HIVEP2: variants seen among roughly 807,000 people sequenced by gnomAD.
The protein encoded by HIVEP2 is transcription factor HIVEP2.
A neutral mutation model predicts 180.7 loss-of-function variants in HIVEP2; 14 were observed. The observed-to-expected ratio is 0.08, with a 90% confidence interval of 0.05 to 0.12. The LOEUF is 0.12. HIVEP2 is among the 10% of genes least tolerant of loss of function. The pLI is 1.00. For missense variants in HIVEP2, 2,579 were observed against 3,008.5 expected, an observed-to-expected ratio of 0.86 and a Z score of 3.34; for synonymous variants, 1,184 against 1,136.4, an observed-to-expected ratio of 1.04 and a Z score of -0.84.
At chr6:142,813,960 T>A (rs1407814627) in intron 2 of HIVEP2, among the ~76,000 whole-genome samples, 3 of 151,934 alleles carry the variant, frequency 2.0e-5, no homozygotes, top group Non-Finnish European at 4.4e-5. Flanking sequence ...ACTGCAAATA[T>A]AATGATGAAT....
chr6:142,863,775 G>A (rs899445274), intron 1 of HIVEP2, among the ~76,000 whole-genome samples: 2 of 151,976 alleles, frequency 1.3e-5, no homozygotes, highest in South Asian at 2.1e-4. Flanking sequence ...TGAATCTCTC[G>A]GACAGAGATT....
intron 1 of HIVEP2, among the ~76,000 whole-genome samples, chr6:142,859,521 T>C (rs1367426091): frequency 2.0e-5 from 3 of 147,752 alleles, no homozygotes; most frequent in African/African-American, 7.4e-5. Context: ...AAACAAAGAC[T>C]AGAGAAATAA....
intron 3 of HIVEP2, among the ~76,000 whole-genome samples, chr6:142,779,972 G>A (rs888465419): frequency 3.9e-5 from 6 of 152,192 alleles, no homozygotes; most frequent in African/African-American, 1.4e-4. Context: ...AGACCATTAA[G>A]TTAATTGTTT....
intron 2 of HIVEP2, among the ~76,000 whole-genome samples, chr6:142,834,900 G>T (rs1484267461): frequency 6.6e-6 from 1 of 152,022 alleles, no homozygotes; most frequent in East Asian, 1.9e-4. Context: ...TCACTAAGAG[G>T]TTGCTGATTA....
At position 142,794,537 on chromosome 6, in the gene HIVEP2, TAGG is replaced by T. The variant is rs373979858; in HGVS notation, c.-527-10925_-527-10923del. Among the ~76,000 whole-genome samples the T allele has an allele frequency of 2.0e-5, 3 of 152,306 alleles. No individual in the cohort carries two copies. In the South Asian group the frequency reaches 6.2e-4, roughly 32 times the overall value. ...AAAAGGTACATATAACATAACTGGA[TAGG>T]AGCACTAATTATTTTTGCTTCTCTA... On this transcript the variant is annotated intron_variant, in intron 2 of 9. Coordinates refer to ENST00000367603, the MANE Select transcript of HIVEP2 (RefSeq NM_006734.4).
chr6:142,904,974 T>C (rs1777227139), intron 1 of HIVEP2, among the ~76,000 whole-genome samples: 1 of 152,204 alleles, frequency 6.6e-6, no homozygotes, highest in South Asian at 2.1e-4. Flanking sequence ...GTATGACTCC[T>C]CTCCTTTTAA....
chr6:142,775,727 C>T (rs1032453930), intron 4 of HIVEP2, among the ~76,000 whole-genome samples: 4 of 151,568 alleles, frequency 2.6e-5, no homozygotes, highest in Non-Finnish European at 4.4e-5. Flanking sequence ...CCCAGCTACT[C>T]GGGAGGCTAA....
At chr6:142,849,774 C>A (rs1199364107) in intron 1 of HIVEP2, among the ~76,000 whole-genome samples, 3 of 152,116 alleles carry the variant, frequency 2.0e-5, no homozygotes, top group Admixed American at 6.5e-5. Flanking sequence ...TTGCCTTGGC[C>A]TCCCTAAGTG....
At chr6:142,787,512 AG>A (rs1776031746) in intron 2 of HIVEP2, among the ~76,000 whole-genome samples, 2 of 151,496 alleles carry the variant, frequency 1.3e-5, no homozygotes, top group East Asian at 3.9e-4. Flanking sequence ...TCAATGTTCA[AG>A]ATATAATCCA....
intron 2 of HIVEP2, among the ~76,000 whole-genome samples, chr6:142,835,098 T>C (rs1035175494): frequency 6.6e-6 from 1 of 152,224 alleles, no homozygotes; most frequent in African/African-American, 2.4e-5. Context: ...GTGACTGCAA[T>C]GACTATTACC....
intron 1 of HIVEP2, among the ~76,000 whole-genome samples, chr6:142,888,450 T>TA (rs953256550): frequency 2.0e-5 from 3 of 152,182 alleles, no homozygotes; most frequent in East Asian, 1.9e-4. Flanking sequence ...TATTTTTAAT[T>TA]AAAAAAAATT....
At chr6:142,925,718 G>T (rs1188091640) in intron 1 of HIVEP2, among the ~76,000 whole-genome samples, 2 of 152,150 alleles carry the variant, frequency 1.3e-5, no homozygotes, top group Non-Finnish European at 2.9e-5. Context: ...ACTACTGAAA[G>T]CATACATAAG....
At chr6:142,896,512 G>A (rs533321712) in intron 1 of HIVEP2, among the ~76,000 whole-genome samples, 2 of 152,268 alleles carry the variant, frequency 1.3e-5, no homozygotes, top group East Asian at 3.9e-4. Flanking sequence ...CCCTCTGAAT[G>A]TCGGCCTCTC....
chr6:142,843,627 T>C (rs1582906446), intron 1 of HIVEP2, among the ~76,000 whole-genome samples: 1 of 152,170 alleles, frequency 6.6e-6, no homozygotes, highest in African/African-American at 2.4e-5. Flanking sequence ...GTTATAGATA[T>C]TATCATTGGA....
rs769046370 is a variant in HIVEP2 at position 142,772,021 on chromosome 6, G to C, written c.2718C>G (p.Ala906=). ...CAGGCTTCTCTGGCTCTTTGCTCTG[G>C]GCTTCCTTCTCCTTCTCAGGTTTAT... The part of the protein sequence containing the change: ...EPDKPEKEKE[A]QSKEPEKPVE... Residue 906 remains alanine, a synonymous_variant, in exon 5 of 10, where the codon GCC becomes GCG. Coordinates refer to ENST00000367603, the MANE Select transcript of HIVEP2 (RefSeq NM_006734.4). This position sits in a 1 kb window ranked among gnomAD's most constrained non-coding sequence, Gnocchi z 4.9. 2 of 1,613,976 alleles carry C rather than the reference G, an allele frequency of 1.2e-6. No individual in the cohort carries two copies. Among genetic ancestry groups the C allele is most frequent in the African/African-American group, 2.7e-5 (2 of 74,876 alleles).
At chr6:142,912,959 T>G (rs1353649252) in intron 1 of HIVEP2, among the ~76,000 whole-genome samples, 1 of 152,202 alleles carries the variant, frequency 6.6e-6, no homozygotes, top group East Asian at 1.9e-4. Context: ...CAAATGATTT[T>G]AGAAGTGGGT....
intron 1 of HIVEP2, among the ~76,000 whole-genome samples, chr6:142,844,656 T>C (rs1775461807): frequency 6.6e-6 from 1 of 152,318 alleles, no homozygotes; most frequent in South Asian, 2.1e-4. Flanking sequence ...AAACTGCTAT[T>C]TCAAAGCATC....
At chr6:142,865,717 C>T (rs572906202) in intron 1 of HIVEP2, among the ~76,000 whole-genome samples, 4 of 152,176 alleles carry the variant, frequency 2.6e-5, no homozygotes, top group Non-Finnish European at 5.9e-5. Flanking sequence ...ATGAAGCACA[C>T]GACCTAGGAT....
chr6:142,781,764 T>A (rs935765644), intron 3 of HIVEP2, among the ~76,000 whole-genome samples: 1 of 152,188 alleles, frequency 6.6e-6, no homozygotes, highest in Non-Finnish European at 1.5e-5. Context: ...CCCAGTTAAA[T>A]AATTTCCCCA....
Sources: gnomAD v4.1 joint callset for allele counts (sites outside exome capture counted in the v4.1 genomes callset) on GRCh38, gnomAD v4.1.1 for gene constraint, Gnocchi (gnomAD v3.1) non-coding constraint, MANE v1.5 for transcripts, NCBI Gene and HGNC (gene_info 2026-07-23, HGNC 2026-07-21) for gene names.